The following LSAMP variants were observed in gnomAD, a reference collection of about 807,000 sequenced individuals.
LSAMP encodes the protein limbic system-associated membrane protein.
In LSAMP, 7 loss-of-function variants were observed where a neutral mutation model predicts 38.6. The observed-to-expected ratio is 0.18, with a 90% confidence interval of 0.10 to 0.34. The LOEUF is 0.34. LSAMP is among the 10% of genes least tolerant of loss of function. The pLI is 1.00. For missense variants in LSAMP, 313 were observed against 420.0 expected (o/e 0.75, Z 2.23); for synonymous variants, 154 against 166.8 (o/e 0.92, Z 0.59).
chr3:116,174,969 G>A (rs16824495), intron 1 of LSAMP, among the ~76,000 whole-genome samples: 2 of 151,814 alleles, frequency 1.3e-5, no homozygotes, highest in African/African-American at 2.4e-5. Context: ...GGCTTATGCC[G>A]ACTTCTCCAC....
intron 1 of LSAMP, among the ~76,000 whole-genome samples, chr3:116,113,587 G>A (rs894823161): frequency 1.3e-5 from 2 of 150,354 alleles, no homozygotes; most frequent in Admixed American, 6.6e-5. Context: ...CACTACGCCC[G>A]GCTAATTTTT....
At chr3:116,100,241 C>T (rs1708316632) in intron 1 of LSAMP, among the ~76,000 whole-genome samples, 1 of 151,958 alleles carries the variant, frequency 6.6e-6, no homozygotes, top group Non-Finnish European at 1.5e-5. Context: ...GCCACCACAC[C>T]TGGCTAATTT....
intron 1 of LSAMP, among the ~76,000 whole-genome samples, chr3:116,229,813 C>G (rs1461107154): frequency 6.6e-6 from 1 of 151,910 alleles, no homozygotes; most frequent in Admixed American, 6.6e-5. Flanking sequence ...TTCTTTTTCC[C>G]TAAATAATTT....
intron 1 of LSAMP, among the ~76,000 whole-genome samples, chr3:116,152,502 C>G (rs1709635597): frequency 6.6e-6 from 1 of 152,064 alleles, no homozygotes. Context: ...TTTCACTGCA[C>G]TTAAGTGTAC....
chr3:116,019,160 G>A (rs13068905), intron 3 of LSAMP, among the ~76,000 whole-genome samples: 27 of 92,564 alleles, frequency 2.9e-4, no homozygotes, highest in Admixed American at 1.2e-3. Flanking sequence ...TTGTGGGTGG[G>A]GGGGGGGGGG....
intron 1 of LSAMP, among the ~76,000 whole-genome samples, chr3:116,428,575 C>A (rs1451454060): frequency 1.3e-5 from 2 of 152,034 alleles, no homozygotes; most frequent in African/African-American, 2.4e-5. Context: ...AAGAGTAATA[C>A]ATTTATGTTT....
At chr3:116,417,062 T>C (rs2049060664) in intron 1 of LSAMP, among the ~76,000 whole-genome samples, 1 of 152,192 alleles carries the variant, frequency 6.6e-6, no homozygotes, top group Admixed American at 6.5e-5. Context: ...CTCTTTTCTT[T>C]TTAAGATTGT....
At chr3:116,366,906 A>G (rs1010429497) in intron 1 of LSAMP, among the ~76,000 whole-genome samples, 5 of 152,170 alleles carry the variant, frequency 3.3e-5, no homozygotes, top group African/African-American at 1.2e-4. Context: ...GAGCCACCGC[A>G]TTGCCTAGAC....
intron 1 of LSAMP, among the ~76,000 whole-genome samples, chr3:116,377,578 T>G (rs537107820): frequency 1.3e-4 from 20 of 152,200 alleles, no homozygotes; most frequent in African/African-American, 4.8e-4. Context: ...CGATTTATGT[T>G]CCTTTGGATA....
intron 1 of LSAMP, among the ~76,000 whole-genome samples, chr3:116,232,803 A>T (rs1487153862): frequency 6.8e-6 from 1 of 148,042 alleles, no homozygotes; most frequent in Admixed American, 7.0e-5. Context: ...TAGAACTATT[A>T]GGTTAAATGA....
intron 3 of LSAMP, among the ~76,000 whole-genome samples, chr3:115,987,010 TG>T (rs1939528409): frequency 6.6e-6 from 1 of 152,194 alleles, no homozygotes; most frequent in Non-Finnish European, 1.5e-5. Flanking sequence ...CTGTGTATTT[TG>T]GTAAGACTGT....
intron 3 of LSAMP, among the ~76,000 whole-genome samples, chr3:115,959,715 G>T (rs931732696): frequency 6.6e-6 from 1 of 152,146 alleles, no homozygotes; most frequent in African/African-American, 2.4e-5. Context: ...GTAATATATG[G>T]ATGTGCTTGA....
chr3:116,358,559 T>C (rs1467392264), intron 1 of LSAMP, among the ~76,000 whole-genome samples: 5 of 152,288 alleles, frequency 3.3e-5, no homozygotes, highest in African/African-American at 1.2e-4. Flanking sequence ...GATAGCAATT[T>C]TTTAAAACAA....
rs947228072 is a variant in LSAMP, at chr3:116,419,737, G to T, written c.155+25140C>A. 5.9e-5 allele frequency among the ~76,000 whole-genome samples: 9 copies of T among 152,082 alleles called. No homozygotes were observed. In the East Asian group the frequency reaches 1.3e-3, roughly 23 times the overall value. On this transcript the variant is annotated intron_variant, in intron 1 of 6. Transcript: ENST00000490035. ...ACCTCAAAGCAAAATGAACCAACTTGGGCCAGAAAAGATAGGATAAGTTGC... is the reference window on the plus strand; with the variant it reads ...ACCTCAAAGCAAAATGAACCAACTTTGGCCAGAAAAGATAGGATAAGTTGC...
chr3:116,310,685 C>T (rs1293189642), intron 1 of LSAMP, among the ~76,000 whole-genome samples: 1 of 152,054 alleles, frequency 6.6e-6, no homozygotes, highest in African/African-American at 2.4e-5. Flanking sequence ...AGAAAAATTT[C>T]TCAAGGCAAT....
chr3:115,869,267 G>GGGGAGAGAGAGAGAGAGA (rs1553742895), intron 3 of LSAMP, among the ~76,000 whole-genome samples: 1 of 108,706 alleles, frequency 9.2e-6, no homozygotes, highest in African/African-American at 3.7e-5. Context: ...TATCTTGGAG[G>GGGGAGAGAGAGAGAGAGA]GGGAGAGAGA....
chr3:116,279,418 T>C (rs72947992), intron 1 of LSAMP, among the ~76,000 whole-genome samples: 3,408 of 152,276 alleles, frequency 0.022, 125 homozygotes, highest in African/African-American at 0.077. Flanking sequence ...TATACTTCTC[T>C]CCTTGTATAA....
Position 115,860,393 on chromosome 3 carries a change from A to AG in LSAMP, c.515-7777dup, listed in dbSNP as rs201420966. ...CCTACTTTTATCATTAGAATGCTGA[A>AG]GGATGCTACAGTTGGCTGGATTCTT... is the stretch of plus-strand genomic sequence containing the variant. On this transcript the variant is annotated intron_variant, in intron 3 of 6. Coordinates refer to ENST00000490035, the MANE Select transcript of LSAMP (RefSeq NM_002338.5). Among the ~76,000 whole-genome samples the AG allele has an allele frequency of 6.8e-3, 1,038 of 152,324 alleles. 7 individuals carry two copies. Among genetic ancestry groups the AG allele is most frequent in the Middle Eastern group, 0.054 (16 of 294 alleles).
At chr3:116,033,659 C>A (rs1940981383) in intron 2 of LSAMP, among the ~76,000 whole-genome samples, 1 of 152,110 alleles carries the variant, frequency 6.6e-6, no homozygotes, top group Non-Finnish European at 1.5e-5. Context: ...GCAGCCACGA[C>A]CCTCTGTGAC....
Sources: allele counts gnomAD v4.1 joint callset (sites outside exome capture counted in the v4.1 genomes callset), GRCh38; gene constraint gnomAD v4.1.1; transcripts MANE v1.5; gene names NCBI Gene and HGNC (gene_info 2026-07-23, HGNC 2026-07-21).